DNAH6: variants seen among roughly 807,000 people sequenced by gnomAD.
DNAH6 encodes axonemal beta dynein heavy chain 6.
A neutral mutation model predicts 491.4 loss-of-function variants in DNAH6; 340 were observed. That is an observed-to-expected ratio of 0.69 (90% CI 0.63 to 0.76). DNAH6 has a LOEUF of 0.76. Among genes scored for constraint, DNAH6 ranks in the 30% least tolerant of loss-of-function variants. The pLI is 0.00. For missense variants in DNAH6, 4,443 were observed against 4,972.2 expected (o/e 0.89, Z 3.20); for synonymous variants, 1,603 against 1,686.1 (o/e 0.95, Z 1.21).
chr2:84,787,341 C>G, intron 68 of DNAH6, 39 bp downstream of exon 68: 1 of 1,524,374 alleles, frequency 6.6e-7, no homozygotes, highest in East Asian at 2.5e-5. Context: ...CATCTATGTA[C>G]CACAAAGTTG....
intron 68 of DNAH6, among the ~76,000 whole-genome samples, chr2:84,795,509 AT>A (rs1488111882): frequency 1.2e-3 from 186 of 152,204 alleles, no homozygotes; most frequent in African/African-American, 4.1e-3. Flanking sequence ...AGAAAAAACA[AT>A]TTTTTCTTCC....
intron 4 of DNAH6, among the ~76,000 whole-genome samples, chr2:84,535,745 C>T (rs188506671): frequency 8.0e-5 from 12 of 150,734 alleles, no homozygotes; most frequent in Middle Eastern, 3.5e-3. Context: ...TATAGATGAT[C>T]ATAATCCAAG....
rs765560896 is a variant in DNAH6 at position 84,573,569 on chromosome 2, C to T, written c.1906C>T (p.Leu636Phe). The change falls in exon 12 of 77, where the codon CTT (leucine) becomes TTT (phenylalanine). Residue 636 changes from leucine (L) to phenylalanine (F), a missense_variant. Leu to Phe is a conservative substitution (Grantham distance 22). Around this residue, in one of 3 missense-constraint regions of DNAH6, gnomAD observed 2,977 missense variants for 3,296.6 expected, o/e 0.90. Transcript: ENST00000389394. ...KENESLDLQALKLQEPDINFF... is the reference protein window; with the variant it reads ...KENESLDLQAFKLQEPDINFF... ...AAATGAAAGTCTTGATTTACAAGCT[C>T]TTAAACTTCAGGAACCTGGTAACTT... 1.3e-6 allele frequency: 2 copies of T among 1,576,736 alleles called. No homozygotes were observed. The highest frequency in any genetic ancestry group is 1.7e-6 in the Non-Finnish European group (2 of 1,169,798).
At chr2:84,590,799 A>G (rs966568737) in intron 16 of DNAH6, among the ~76,000 whole-genome samples, 8 of 152,176 alleles carry the variant, frequency 5.3e-5, no homozygotes, top group African/African-American at 1.9e-4. Context: ...ATTAGGAGGA[A>G]GTTCTCAGCT....
chr2:84,635,725 G>C (rs1451197724), intron 30 of DNAH6, among the ~76,000 whole-genome samples: 1 of 152,114 alleles, frequency 6.6e-6, no homozygotes, highest in Non-Finnish European at 1.5e-5. Flanking sequence ...TGCCCTATGA[G>C]ACAGTTGGGG....
chr2:84,621,138 C>T, intron 24 of DNAH6, 53 bp from the exon 25 acceptor site: 4 of 1,526,588 alleles, frequency 2.6e-6, no homozygotes, highest in Non-Finnish European at 3.5e-6. Flanking sequence ...AGAAGGCATA[C>T]AGCTTACAAG....
intron 63 of DNAH6, among the ~76,000 whole-genome samples, chr2:84,748,740 A>T (rs1366844176): frequency 6.6e-6 from 1 of 152,218 alleles, no homozygotes; most frequent in Admixed American, 6.5e-5. Context: ...CTTTGTAGCA[A>T]TGCCCCATTC....
At chr2:84,669,108 G>A (rs1692467867) in intron 37 of DNAH6, among the ~76,000 whole-genome samples, 181 bp from the exon 38 acceptor site, 1 of 152,122 alleles carries the variant, frequency 6.6e-6, no homozygotes, top group African/African-American at 2.4e-5. Flanking sequence ...GCATTGTGTT[G>A]CATGATTTTG....
intron 47 of DNAH6, among the ~76,000 whole-genome samples, chr2:84,698,266 A>G (rs1279839422): frequency 1.3e-5 from 2 of 151,994 alleles, no homozygotes; most frequent in African/African-American, 2.4e-5. Flanking sequence ...GTTCTTTCTT[A>G]TATCTTTACT....
intron 37 of DNAH6, among the ~76,000 whole-genome samples, chr2:84,666,720 A>C (rs1692164741): frequency 6.6e-6 from 1 of 152,196 alleles, no homozygotes; most frequent in Non-Finnish European, 1.5e-5. Context: ...GCTACCAATG[A>C]CTTTCTTCAC....
chr2:84,573,625 G>T (rs1262801808), intron 12 of DNAH6, 38 bp downstream of exon 12: 7 of 1,491,028 alleles, frequency 4.7e-6, no homozygotes, highest in Non-Finnish European at 6.2e-6. Context: ...TATTTTTATA[G>T]GGATACTGAG....
chr2:84,518,631 C>A (rs1309138488), intron 2 of DNAH6, among the ~76,000 whole-genome samples: 2 of 152,216 alleles, frequency 1.3e-5, no homozygotes, highest in African/African-American at 4.8e-5. Context: ...AAGTGTATCA[C>A]TAACCGTTGA....
intron 65 of DNAH6, among the ~76,000 whole-genome samples, chr2:84,783,228 A>G (rs1268463671): frequency 6.6e-6 from 1 of 152,198 alleles, no homozygotes; most frequent in Non-Finnish European, 1.5e-5. Context: ...TGCATGTCAT[A>G]TCTTTTTTCT....
In DNAH6 at chr2:84,619,825, A is replaced by G; in HGVS notation, c.3713A>G (p.Lys1238Arg). The change falls in exon 24 of 77, where the codon AAG (lysine) becomes AGG (arginine). Residue 1238 changes from lysine (K) to arginine (R), a missense_variant. Transcript: ENST00000389394. ...EFALMPPAEG[K>R]IPGIDGEPEK... ...GCTCTCATGCCTCCTGCCGAAGGAA[A>G]GATTCCTGGTATTGATGGAGAACCA... is the stretch of plus-strand genomic sequence containing the variant. The G allele has an allele frequency of 1.3e-6, 2 of 1,551,542 alleles. No homozygotes were observed. Among genetic ancestry groups the G allele is most frequent in the Middle Eastern group, 1.7e-4 (1 of 5,988 alleles).
chr2:84,566,279 A>G (rs1347288331), intron 11 of DNAH6, among the ~76,000 whole-genome samples: 1 of 152,120 alleles, frequency 6.6e-6, no homozygotes, highest in African/African-American at 2.4e-5. Context: ...CAAAGACTAG[A>G]TATTCACAAT....
chr2:84,630,956 A>G (rs1199862888), intron 29 of DNAH6, among the ~76,000 whole-genome samples: 1 of 152,256 alleles, frequency 6.6e-6, no homozygotes, highest in African/African-American at 2.4e-5. Context: ...TTTCAAAATA[A>G]AAAGTTTTTT....
chr2:84,482,133 T>C, the DNAH6 span, among the ~76,000 whole-genome samples: 1 of 152,174 alleles, frequency 6.6e-6, no homozygotes. Context: ...AACACAGACA[T>C]ATGCAAACAC....
intron 56 of DNAH6, among the ~76,000 whole-genome samples, chr2:84,710,973 CA>C (rs1240187818): frequency 4.6e-5 from 7 of 152,148 alleles, no homozygotes; most frequent in African/African-American, 1.7e-4. Context: ...TTCCCTCATT[CA>C]AACATTATTT....
chr2:84,654,871 A>C, intron 35 of DNAH6, 89 bp downstream of exon 35: 52 of 1,376,802 alleles, frequency 3.8e-5, no homozygotes, highest in African/African-American at 8.7e-5. Flanking sequence ...TTAAGGACTC[A>C]TGGTTCTTGA....
Sources: gnomAD v4.1 joint callset for allele counts (sites outside exome capture counted in the v4.1 genomes callset) on GRCh38, gnomAD v4.1.1 for gene constraint, gnomAD v4.1.1 regional missense constraint, MANE v1.5 for transcripts, NCBI Gene and HGNC (gene_info 2026-07-23, HGNC 2026-07-21) for gene names.